MICU3: variants seen among roughly 807,000 people sequenced by gnomAD.
The protein encoded by MICU3 is calcium uptake protein 3, mitochondrial.
In MICU3, 62 loss-of-function variants were observed where a neutral mutation model predicts 66.5. That is an observed-to-expected ratio of 0.93 (90% CI 0.76 to 1.15). The LOEUF (loss-of-function observed/expected upper bound fraction) is 1.15, where lower values mean the gene tolerates loss of function less well. Ranked by LOEUF, MICU3 falls within the 50% of genes most tolerant of loss-of-function variation. The pLI is 0.00. For missense variants in MICU3, 779 were observed against 664.4 expected (o/e 1.17, Z -1.90); for synonymous variants, 308 against 240.7 (o/e 1.28, Z -2.59).
intron 1 of MICU3, among the ~76,000 whole-genome samples, chr8:17,063,578 A>G (rs983990596): frequency 1.3e-5 from 2 of 152,162 alleles, no homozygotes; most frequent in African/African-American, 4.8e-5. Flanking sequence ...GGAACTAGCA[A>G]TTTCACTTCT....
chr8:17,066,294 G>C (rs1438921877), intron 2 of MICU3, among the ~76,000 whole-genome samples: 2 of 151,308 alleles, frequency 1.3e-5, no homozygotes, highest in Non-Finnish European at 2.9e-5. Context: ...GTGTGCTAAG[G>C]GGGATACAAA....
intron 12 of MICU3, among the ~76,000 whole-genome samples, chr8:17,115,607 G>T (rs774425389): frequency 2.1e-4 from 32 of 152,206 alleles, no homozygotes; most frequent in Middle Eastern, 6.8e-3. Flanking sequence ...AAGGAATATT[G>T]TAGTAGCCAC....
At chr8:17,108,295 T>G (rs1185226888) in intron 11 of MICU3, among the ~76,000 whole-genome samples, 1 of 152,154 alleles carries the variant, frequency 6.6e-6, no homozygotes, top group Non-Finnish European at 1.5e-5. Flanking sequence ...AAGGGTGCAG[T>G]CAGGACTACT....
Position 17,060,661 on chromosome 8 carries a change from T to G in MICU3, c.382-3423T>G, listed in dbSNP as rs375646311. On this transcript the variant is annotated intron_variant, in intron 1 of 14. Coordinates refer to ENST00000318063, the MANE Select transcript of MICU3 (RefSeq NM_181723.3). Reference sequence around the variant, plus strand: ...TTTTCATCTGAGTGGTATTGGTGTGTTTTAGTAGACTGTGTGCTTTATTAT... The same window carrying G: ...TTTTCATCTGAGTGGTATTGGTGTGGTTTAGTAGACTGTGTGCTTTATTAT... Among the ~76,000 whole-genome samples, 29 of 152,318 alleles carry G rather than the reference T, an allele frequency of 1.9e-4. No individual in the cohort carries two copies. In the East Asian group the frequency reaches 2.5e-3, roughly 13 times the overall value.
chr8:17,030,838 T>TAATAC lies in MICU3; in HGVS notation c.381+3178_381+3179insAATAC, dbSNP rs546104271. ...ATTAATACCTTACTTCTATTTGGTCTCTGCAGAACTCAGGTAGTGCCTCTG... is the reference window on the plus strand; with the variant it reads ...ATTAATACCTTACTTCTATTTGGTCTAATACCTGCAGAACTCAGGTAGTGCCTCTG... On this transcript the variant is annotated intron_variant, in intron 1 of 14. Coordinates refer to ENST00000318063, the MANE Select transcript of MICU3 (RefSeq NM_181723.3). Among the ~76,000 whole-genome samples, 106 of 152,336 alleles carry TAATAC rather than the reference T, an allele frequency of 7.0e-4. 1 individual carries two copies. In the East Asian group the frequency reaches 0.02, roughly 28 times the overall value.
intron 11 of MICU3, among the ~76,000 whole-genome samples, chr8:17,109,867 A>G (rs1802045378): frequency 2.6e-5 from 4 of 152,222 alleles, no homozygotes; most frequent in African/African-American, 9.6e-5. Flanking sequence ...GTTAACAAGA[A>G]AGTAGTATAA....
At chr8:17,049,403 G>C (rs1027990561) in intron 1 of MICU3, among the ~76,000 whole-genome samples, 2 of 152,152 alleles carry the variant, frequency 1.3e-5, no homozygotes, top group Non-Finnish European at 2.9e-5. Flanking sequence ...TCTGGACCTA[G>C]CTAGTTAATA....
At chr8:17,076,627 C>T (rs1179765729) in intron 3 of MICU3, among the ~76,000 whole-genome samples, 1 of 152,166 alleles carries the variant, frequency 6.6e-6, no homozygotes, top group African/African-American at 2.4e-5. Flanking sequence ...CCTGCTAGCT[C>T]AGCTTTGCAG....
chr8:17,057,075 A>G (rs1427218146), intron 1 of MICU3, among the ~76,000 whole-genome samples: 1 of 152,206 alleles, frequency 6.6e-6, no homozygotes, highest in Non-Finnish European at 1.5e-5. Context: ...TGATTTTATG[A>G]AGTTCTGTCA....
chr8:17,136,682 G>A, the MICU3 span, among the ~76,000 whole-genome samples: 2 of 151,882 alleles, frequency 1.3e-5, no homozygotes, highest in African/African-American at 2.4e-5. Context: ...CCCCAACAGC[G>A]GCCTGGGTGC....
At chr8:17,042,837 A>C (rs1814400634) in intron 1 of MICU3, among the ~76,000 whole-genome samples, 1 of 151,894 alleles carries the variant, frequency 6.6e-6, no homozygotes, top group South Asian at 2.1e-4. Context: ...TCCAGTTGAC[A>C]CTGTAAGTAT....
At position 17,105,573 on chromosome 8, in the gene MICU3, C is replaced by T; in HGVS notation, c.1246C>T (p.Pro416Ser). The part of the protein sequence containing the change: ...VFLENVRYSI[P>S]EEKGITFDEF... Reference sequence around the variant, plus strand: ...TTTAGAAAATGTGCGTTACAGTATACCTGAAGAAAAGGTATCTAATCCTCA... The same window carrying T: ...TTTAGAAAATGTGCGTTACAGTATATCTGAAGAAAAGGTATCTAATCCTCA... The change falls in exon 11 of 15, where the codon CCT becomes TCT. Residue 416 changes from proline to serine, a missense_variant. By Grantham distance (74) the Pro-to-Ser change is moderately conservative. Coordinates refer to ENST00000318063, the MANE Select transcript of MICU3 (RefSeq NM_181723.3). 6.6e-7 allele frequency: 1 copy of T among 1,525,082 alleles called. No homozygotes were observed. Among genetic ancestry groups the T allele is most frequent in the Admixed American group, 2.3e-5 (1 of 44,242 alleles). 94.5% of individuals were successfully genotyped at this position (1,525,082 alleles called of 1,614,324 possible). A position where few individuals can be genotyped will look rare whatever the true frequency, so the allele number is the denominator to read the frequency against.
At chr8:17,083,555 T>C (rs911482638) in intron 5 of MICU3, among the ~76,000 whole-genome samples, 1 of 152,096 alleles carries the variant, frequency 6.6e-6, no homozygotes, top group Non-Finnish European at 1.5e-5. Context: ...CAAACACAGC[T>C]TGGAGATTAA....
At chr8:17,056,324 A>G (rs1310133614) in intron 1 of MICU3, among the ~76,000 whole-genome samples, 1 of 152,102 alleles carries the variant, frequency 6.6e-6, no homozygotes, top group African/African-American at 2.4e-5. Context: ...TGAGGTTCAT[A>G]GTCTGGGTCT....
intron 1 of MICU3, among the ~76,000 whole-genome samples, chr8:17,059,507 T>A (rs1351209544): frequency 2.6e-5 from 4 of 152,106 alleles, no homozygotes; most frequent in Non-Finnish European, 5.9e-5. Flanking sequence ...GACCTACCAC[T>A]CTAGCAATAA....
chr8:17,080,666 C>T (rs1347116772), intron 4 of MICU3, among the ~76,000 whole-genome samples: 1 of 152,046 alleles, frequency 6.6e-6, no homozygotes, highest in African/African-American at 2.4e-5. Flanking sequence ...AACTATCTGT[C>T]TATAGGTCAC....
At chr8:17,095,698 A>G (rs1481689678) in intron 8 of MICU3, among the ~76,000 whole-genome samples, 3 of 151,678 alleles carry the variant, frequency 2.0e-5, no homozygotes, top group Non-Finnish European at 4.4e-5. Flanking sequence ...CTCTAAATCA[A>G]TCTTCTTTCC....
At chr8:17,067,044 T>G (rs565645696) in intron 2 of MICU3, among the ~76,000 whole-genome samples, 88 of 152,322 alleles carry the variant, frequency 5.8e-4, no homozygotes, top group African/African-American at 2.0e-3. Flanking sequence ...CAGGATATTT[T>G]ACAACCACAA....
chr8:17,102,826 C>A (rs1345922909), intron 9 of MICU3: 2 of 151,878 alleles, frequency 1.3e-5, no homozygotes, highest in African/African-American at 4.8e-5. Flanking sequence ...TTATTGTAGA[C>A]AACTTCTCAG....
Sources: allele counts gnomAD v4.1 joint callset (sites outside exome capture counted in the v4.1 genomes callset), GRCh38; gene constraint gnomAD v4.1.1; transcripts MANE v1.5; gene names NCBI Gene and HGNC (gene_info 2026-07-23, HGNC 2026-07-21).